Variants in KIRREL3 observed in about 807,000 individuals in gnomAD.
KIRREL3 encodes the protein kirre like nephrin family adhesion molecule 3, also known as kin of IRRE-like protein 3.
Under a neutral mutation model 89.7 loss-of-function variants are expected in KIRREL3, and 36 were observed. That is an observed-to-expected ratio of 0.40 (90% CI 0.31 to 0.53). KIRREL3 has a LOEUF of 0.53. Among genes scored for constraint, KIRREL3 ranks in the 20% least tolerant of loss-of-function variants. The probability of loss-of-function intolerance (pLI) is 0.49; values close to 1 mark genes in which losing one functional copy is unlikely to be tolerated. For synonymous variants in KIRREL3, 445 were observed against 441.4 expected (o/e 1.01, Z -0.10); for missense variants, 864 against 1,056.6 (o/e 0.82, Z 2.53).
rs549905294 is a variant in KIRREL3, at chr11:126,686,698, G to C, written c.56-123786C>G. Among the ~76,000 whole-genome samples the C allele has an allele frequency of 8.5e-5, 13 of 152,240 alleles. No homozygotes were observed. Among genetic ancestry groups the C allele is most frequent in the Non-Finnish European group, 1.3e-4 (9 of 68,024 alleles). ...CAGTTCAAGCAGTTCTCCTGCCTCA[G>C]CCTCCCAAGTAGCTGGGATTATAAG... On this transcript the variant is annotated intron_variant, in intron 1 of 16. Coordinates refer to ENST00000525144, the MANE Select transcript of KIRREL3 (RefSeq NM_032531.4). This position sits in a 1 kb window ranked among gnomAD's most constrained non-coding sequence, Gnocchi z 4.7.
In KIRREL3 at chr11:126,571,074, A is replaced by G. The variant is rs544409345; in HGVS notation, c.56-8162T>C. Among the ~76,000 whole-genome samples, 4 of 151,970 alleles carry G rather than the reference A, an allele frequency of 2.6e-5. No homozygotes were observed. The highest frequency in any genetic ancestry group is 5.9e-5 in the Non-Finnish European group (4 of 67,984). ...TGGCAAATGGTGAGGCTTGCCGTAC[A>G]CCTCCATGTTGGTGCTTGTTGGTGC... On this transcript the variant is annotated intron_variant, in intron 1 of 16. Transcript: ENST00000525144. The surrounding 1 kb of genome is among the most constrained non-coding windows in gnomAD (Gnocchi z 7.7).
chr11:126,720,833 G>A (rs1345277920), intron 1 of KIRREL3, among the ~76,000 whole-genome samples: 1 of 152,206 alleles, frequency 6.6e-6, no homozygotes, highest in Non-Finnish European at 1.5e-5. Flanking sequence ...GGGAGAAGGT[G>A]GGAGAAGATA....
At chr11:126,503,506 G>T (rs1206890674) in intron 4 of KIRREL3, among the ~76,000 whole-genome samples, 1 of 152,168 alleles carries the variant, frequency 6.6e-6, no homozygotes, top group Non-Finnish European at 1.5e-5. Context: ...GGTAGCCCTA[G>T]CTTTACAACT....
chr11:126,810,937 G>A (rs1197919878), intron 1 of KIRREL3, among the ~76,000 whole-genome samples: 2 of 152,126 alleles, frequency 1.3e-5, no homozygotes, highest in African/African-American at 2.4e-5. Flanking sequence ...ACAGCTGTGG[G>A]TGTGTGTGTG....
chr11:126,596,631 C>T (rs1216086854), intron 1 of KIRREL3, among the ~76,000 whole-genome samples: 1 of 152,244 alleles, frequency 6.6e-6, no homozygotes, highest in Non-Finnish European at 1.5e-5. Flanking sequence ...AGTGACTCTG[C>T]TCCCTGACTT....
rs1947108632 is a variant in KIRREL3, at chr11:126,696,630, A to T, written c.56-133718T>A. Among the ~76,000 whole-genome samples, 1 of 152,172 alleles carries T rather than the reference A, an allele frequency of 6.6e-6. No individual in the cohort carries two copies. The highest frequency in any genetic ancestry group is 6.5e-5 in the Admixed American group (1 of 15,286). ...AACACACCACAGCTGGAATCCACAG[A>T]GGCGCCACAGTACCGAAAGGGTGGC... On this transcript the variant is annotated intron_variant, in intron 1 of 16. Transcript: ENST00000525144. The surrounding 1 kb of genome is among the most constrained non-coding windows in gnomAD (Gnocchi z 4.4).
At chr11:126,859,928 C>A (rs1171840855) in intron 1 of KIRREL3, among the ~76,000 whole-genome samples, 2 of 152,202 alleles carry the variant, frequency 1.3e-5, no homozygotes, top group Non-Finnish European at 2.9e-5. Flanking sequence ...CTCTACATAT[C>A]TCAGTTGAAA....
At position 126,686,246 on chromosome 11, in the gene KIRREL3, T is replaced by C. The variant is rs1357370889; in HGVS notation, c.56-123334A>G. On this transcript the variant is annotated intron_variant, in intron 1 of 16. Transcript: ENST00000525144. This position sits in a 1 kb window ranked among gnomAD's most constrained non-coding sequence, Gnocchi z 4.7. ...GCGCGGGTGTGGAGGCAGGTCTCCA[T>C]GGATTGTACGGCTTTCCCAAGGCCT... Among the ~76,000 whole-genome samples, 2 of 152,218 alleles carry C rather than the reference T, an allele frequency of 1.3e-5. No individual in the cohort carries two copies. The highest frequency in any genetic ancestry group is 2.9e-5 in the Non-Finnish European group (2 of 68,038).
intron 9 of KIRREL3, among the ~76,000 whole-genome samples, chr11:126,445,401 G>T (rs1777416609): frequency 6.6e-6 from 1 of 152,202 alleles, no homozygotes; most frequent in Admixed American, 6.5e-5. Context: ...GGAGGAGGGG[G>T]ATGCCTGCCT....
In KIRREL3 at chr11:126,578,405, AG is replaced by A. The variant is rs1334938839; in HGVS notation, c.56-15494del. ...CTTGGTTCACACGCTAGGAAAGAAA[AG>A]GGATGATCTTGGTCTTGGCGTGAAC... On this transcript the variant is annotated intron_variant, in intron 1 of 16. Coordinates refer to ENST00000525144, the MANE Select transcript of KIRREL3 (RefSeq NM_032531.4). The surrounding 1 kb of genome is among the most constrained non-coding windows in gnomAD (Gnocchi z 4.9). 6.6e-6 allele frequency among the ~76,000 whole-genome samples: 1 copy of A among 152,218 alleles called. No homozygotes were observed. Among genetic ancestry groups the A allele is most frequent in the Non-Finnish European group, 1.5e-5 (1 of 68,042 alleles).
intron 1 of KIRREL3, among the ~76,000 whole-genome samples, chr11:126,603,847 G>A (rs1022066714): frequency 6.6e-6 from 1 of 152,192 alleles, no homozygotes; most frequent in Non-Finnish European, 1.5e-5. Flanking sequence ...GAGAGAACTC[G>A]TGTTCCCCGA....
At position 126,450,181 on chromosome 11, in the gene KIRREL3, A is replaced by G. The variant is rs112295520; in HGVS notation, c.849-1024T>C. On this transcript the variant is annotated intron_variant, in intron 7 of 16. Transcript: ENST00000525144. ...TGTGGGTGTATGTGTATACACATGT[A>G]TGTGTGTGCATGTGTGTTCATGTGA... is the stretch of plus-strand genomic sequence containing the variant. Among the ~76,000 whole-genome samples, 175 of 152,316 alleles carry G rather than the reference A, an allele frequency of 1.1e-3. 2 individuals carry two copies. The East Asian group carries it at 0.03, about 26-fold the overall frequency.
In KIRREL3 at chr11:126,860,557, C is replaced by T. The variant is rs1455912200; in HGVS notation, c.55+139898G>A. 6.6e-6 allele frequency among the ~76,000 whole-genome samples: 1 copy of T among 152,110 alleles called. No homozygotes were observed. The highest frequency in any genetic ancestry group is 2.4e-5 in the African/African-American group (1 of 41,420). The stretch of plus-strand genomic sequence containing the variant: ...GCTCTGGGTGTGGCCAGGCAGCAGG[C>T]GGCGTGGAGGCAGAGGGGCCAGGCA... On this transcript the variant is annotated intron_variant, in intron 1 of 16. Coordinates refer to ENST00000525144, the MANE Select transcript of KIRREL3 (RefSeq NM_032531.4). The surrounding 1 kb of genome is among the most constrained non-coding windows in gnomAD (Gnocchi z 4.6).
chr11:126,937,790 T>A lies in KIRREL3; in HGVS notation c.55+62665A>T, dbSNP rs567995083. Among the ~76,000 whole-genome samples the A allele has an allele frequency of 2.2e-3, 340 of 152,160 alleles. 3 individuals are homozygous for A. The highest frequency in any genetic ancestry group is 8.0e-3 in the African/African-American group (332 of 41,496). On this transcript the variant is annotated intron_variant, in intron 1 of 16. Transcript: ENST00000525144. The stretch of plus-strand genomic sequence containing the variant: ...GGCAGGTGCCTGTAGTCCCAGCTGC[T>A]CGGGAGGCTGAGGCAGGAGAATGGT...
intron 1 of KIRREL3, among the ~76,000 whole-genome samples, chr11:126,865,121 G>T (rs143286416): frequency 6.6e-6 from 1 of 152,164 alleles, no homozygotes; most frequent in Admixed American, 6.5e-5. Flanking sequence ...GGATCCCAAG[G>T]CCTCTTTCTC....
At position 126,431,316 on chromosome 11, in the gene KIRREL3, G is replaced by A. The variant is rs1955119034; in HGVS notation, c.1696+103C>T. On this transcript the variant is annotated intron_variant, in intron 14 of 16. Coordinates refer to ENST00000525144, the MANE Select transcript of KIRREL3 (RefSeq NM_032531.4). This position sits in a 1 kb window ranked among gnomAD's most constrained non-coding sequence, Gnocchi z 7.1. ...CCCCAGGAGCTCACAGCACTGTTAG[G>A]ACCCCTGTTCATTGCACTCCTGCTT... The A allele has an allele frequency of 1.3e-6, 2 of 1,556,314 alleles. No homozygotes were observed. Among genetic ancestry groups the A allele is most frequent in the South Asian group, 1.2e-5 (1 of 84,458 alleles).
At position 126,908,688 on chromosome 11, in the gene KIRREL3, T is replaced by C. The variant is rs1347492953; in HGVS notation, c.55+91767A>G. On this transcript the variant is annotated intron_variant, in intron 1 of 16. Transcript: ENST00000525144. This position sits in a 1 kb window ranked among gnomAD's most constrained non-coding sequence, Gnocchi z 4.2. The stretch of plus-strand genomic sequence containing the variant: ...TTAACAAGTATTAAAGGGCTTCCCA[T>C]ACACCAGAAACTGGGGATTCCACAG... Among the ~76,000 whole-genome samples the C allele has an allele frequency of 6.6e-6, 1 of 152,220 alleles. No homozygotes were observed. Among genetic ancestry groups the C allele is most frequent in the South Asian group, 2.1e-4 (1 of 4,830 alleles).
rs1407603515 is a variant in KIRREL3, at chr11:126,457,205, GTGTGTA to G, written c.743-757_743-752del. On this transcript the variant is annotated intron_variant, in intron 6 of 16. Transcript: ENST00000525144. ...AGATTATGTGTGTGTGTGTGTGTGTGTGTGTATGTGTATGTGTGTGTATGCATGTGT... is the reference window on the plus strand; with the variant it reads ...AGATTATGTGTGTGTGTGTGTGTGTGTGTGTATGTGTGTGTATGCATGTGT... Among the ~76,000 whole-genome samples, 344 of 151,530 alleles carry G rather than the reference GTGTGTA, an allele frequency of 2.3e-3. 2 individuals carry two copies. Among genetic ancestry groups the G allele is most frequent in the African/African-American group, 7.8e-3 (323 of 41,192 alleles).
intron 1 of KIRREL3, among the ~76,000 whole-genome samples, chr11:126,584,082 T>G (rs1941699678): frequency 6.6e-6 from 1 of 152,212 alleles, no homozygotes; most frequent in Admixed American, 6.5e-5. Context: ...CCCTCAGGAC[T>G]TCCAGGAAAA....
Sources: gnomAD v4.1 joint callset for allele counts (sites outside exome capture counted in the v4.1 genomes callset) on GRCh38, gnomAD v4.1.1 for gene constraint, Gnocchi (gnomAD v3.1) non-coding constraint, MANE v1.5 for transcripts, NCBI Gene and HGNC (gene_info 2026-07-23, HGNC 2026-07-21) for gene names.